The following RAB24 variants were observed in gnomAD, a reference collection of about 807,000 sequenced individuals.
RAB24 encodes the protein ras-related protein Rab-24.
A neutral mutation model predicts 31.4 loss-of-function variants in RAB24; 9 were observed. The observed-to-expected ratio is 0.29, with a 90% CI of 0.17 to 0.50. The LOEUF (loss-of-function observed/expected upper bound fraction) is 0.50. RAB24 is among the 20% of genes least tolerant of loss of function. The pLI is 0.98. For missense variants in RAB24, 197 were observed against 265.2 expected, an observed-to-expected ratio of 0.74 and a Z score of 1.79; for synonymous variants, 106 against 94.1, an observed-to-expected ratio of 1.13 and a Z score of -0.73.
rs767820813 is a variant in RAB24 at position 177,302,745 on chromosome 5, C to G, written c.265+7G>C. ...TGTGAGACAGCCCAAACCCCCCCCC[C>G]CCTTACCATAGCAGACGATGGCAGC... On this transcript the variant is annotated splice_region_variant and intron_variant, in intron 3 of 7. Coordinates refer to ENST00000303251, the MANE Select transcript of RAB24 (RefSeq NM_001031677.4). The G allele has an allele frequency of 6.3e-7, 1 of 1,599,580 alleles. No individual in the cohort carries two copies. Among genetic ancestry groups the G allele is most frequent in the Non-Finnish European group, 8.5e-7 (1 of 1,171,312 alleles).
Position 177,302,969 on chromosome 5 carries a change from A to G in RAB24, c.186+40T>C, listed in dbSNP as rs73347676. ...TAATAGGCAGGACCTACACCTCCTC[A>G]GGAATGAGTCTCCCAAGAATAGATG... On this transcript the variant is annotated intron_variant, in intron 2 of 7. Coordinates refer to ENST00000303251, the MANE Select transcript of RAB24 (RefSeq NM_001031677.4). The G allele has an allele frequency of 2.3e-3, 3,762 of 1,607,430 alleles. 93 individuals carry two copies. The African/African-American group carries it at 0.045, about 19-fold the overall frequency.
intron 6 of RAB24, 63 bp from the exon 7 acceptor site, chr5:177,302,050 C>A (rs1581581685): frequency 6.2e-7 from 1 of 1,610,112 alleles, no homozygotes; most frequent in Admixed American, 1.7e-5. Context: ...CTCCCAGTGA[C>A]CCAGCCCTCT....
intron 7 of RAB24, 32 bp downstream of exon 7, chr5:177,301,893 T>A: frequency 6.2e-7 from 1 of 1,613,072 alleles, no homozygotes; most frequent in South Asian, 1.1e-5. Flanking sequence ...GGGCCTAGAG[T>A]AAGTCTCCAT....
Position 177,302,188 on chromosome 5 carries a change from G to C in RAB24, c.434-10C>G. ...AGCTGAGCTTTGATATCTGTAAAGA[G>C]AAGTGACTAAAGCCTCATACCTGAG... On this transcript the variant is annotated splice_polypyrimidine_tract_variant and intron_variant, in intron 5 of 7. Coordinates refer to ENST00000303251, the MANE Select transcript of RAB24 (RefSeq NM_001031677.4). 4 of 1,614,072 alleles carry C rather than the reference G, an allele frequency of 2.5e-6. No homozygotes were observed. The highest frequency in any genetic ancestry group is 3.4e-6 in the Non-Finnish European group (4 of 1,179,888).
At position 177,302,070 on chromosome 5, in the gene RAB24, T is replaced by A. The variant is rs375634364; in HGVS notation, c.484+58A>T. 1.4e-5 allele frequency: 22 copies of A among 1,610,800 alleles called. No homozygotes were observed. The African/African-American group carries it at 2.9e-4, about 21-fold the overall frequency. On this transcript the variant is annotated intron_variant, in intron 6 of 7. Coordinates refer to ENST00000303251, the MANE Select transcript of RAB24 (RefSeq NM_001031677.4). ...AGTGACCCAGCCCTCTGTGCCCTAT[T>A]CAGCTTCCTCTGGTGCCCCTGCATG...
Position 177,303,483 on chromosome 5 carries a change from C to T in RAB24, c.-195G>A. 1.6e-6 allele frequency: 1 copy of T among 611,810 alleles called. No individual in the cohort carries two copies. Among genetic ancestry groups the T allele is most frequent in the South Asian group, 1.9e-5 (1 of 51,430 alleles). The allele number at this position is 611,810 out of a possible 1,614,324, so 37.9% of individuals were successfully genotyped here. On this transcript the variant is annotated 5_prime_UTR_variant, in exon 1 of 8. Coordinates refer to ENST00000303251, the MANE Select transcript of RAB24 (RefSeq NM_001031677.4). The surrounding 1 kb of genome is among the most constrained non-coding windows in gnomAD (Gnocchi z 6.1). ...TTCGGCAGCGCCCCGTGTGCCCCCG[C>T]TGTTCGGCCCCGGGCGCCGATTATC...
rs1211912809 is a variant in RAB24, at chr5:177,301,409, G to A, written c.*334C>T. On this transcript the variant is annotated 3_prime_UTR_variant, in exon 8 of 8. Coordinates refer to ENST00000303251, the MANE Select transcript of RAB24 (RefSeq NM_001031677.4). ...GCCGGGTGGCCCCAGGAAGAACTAG[G>A]TGTCTTGACACCTAATCCACACAGC... The A allele has an allele frequency of 6.6e-6, 2 of 304,008 alleles. No individual in the cohort carries two copies. The highest frequency in any genetic ancestry group is 1.2e-5 in the Non-Finnish European group (2 of 160,146). The allele number at this position is 304,008 out of a possible 1,614,324, so 18.8% of individuals were successfully genotyped here.
chr5:177,302,688 G>T (rs369512111), intron 3 of RAB24, 44 bp from the exon 4 acceptor site: 22 of 1,612,998 alleles, frequency 1.4e-5, no homozygotes, highest in Non-Finnish European at 1.9e-5. Context: ...GTCAAGGGCT[G>T]TTCTCTGGCT....
rs1437210601 is a variant in RAB24 at position 177,303,681 on chromosome 5, T to C, written c.-393A>G. The C allele has an allele frequency of 8.5e-6, 3 of 353,146 alleles. No individual in the cohort carries two copies. The highest frequency in any genetic ancestry group is 4.3e-5 in the African/African-American group (2 of 46,120). 21.9% of individuals were successfully genotyped at this position (353,146 alleles called of 1,614,324 possible). ...CTGGGGTCTCCCGCAACCCGGCTCC[T>C]ACCCGCAGCGCCGCGACTCCCGCGG... On this transcript the variant is annotated 5_prime_UTR_variant, in exon 1 of 8. Coordinates refer to ENST00000303251, the MANE Select transcript of RAB24 (RefSeq NM_001031677.4). This position sits in a 1 kb window ranked among gnomAD's most constrained non-coding sequence, Gnocchi z 6.1.
Position 177,302,432 on chromosome 5 carries a change from C to A in RAB24, c.398G>T (p.Arg133Leu). 6.2e-7 allele frequency: 1 copy of A among 1,613,636 alleles called. No individual in the cohort carries two copies. The highest frequency in any genetic ancestry group is 8.5e-7 in the Non-Finnish European group (1 of 1,180,032). The change falls in exon 5 of 8, where the codon CGT becomes CTT. Residue 133 changes from arginine (R) to leucine (L), a missense_variant. Around this residue, in one of 2 missense-constraint regions of RAB24, gnomAD observed 148 missense variants for 159.7 expected, o/e 0.93. Coordinates refer to ENST00000303251, the MANE Select transcript of RAB24 (RefSeq NM_001031677.4). ...GTCCTGGACGTCGTGGAAGTCCACACGTCGACGCCTCCGGTCTTCTTCCAG... is the reference window on the plus strand; with the variant it reads ...GTCCTGGACGTCGTGGAAGTCCACAAGTCGACGCCTCCGGTCTTCTTCCAG... Reference protein sequence around the residue: ...DLLEEDRRRRRVDFHDVQDYA... With the variant: ...DLLEEDRRRRLVDFHDVQDYA...
Position 177,302,231 on chromosome 5 carries a change from A to G in RAB24, c.434-53T>C, listed in dbSNP as rs1467684085. The G allele has an allele frequency of 3.1e-6, 5 of 1,602,536 alleles. No homozygotes were observed. In the East Asian group the frequency reaches 1.1e-4, roughly 36 times the overall value. ...TACCTGAGAATTAGATAAACAGACA[A>G]AAGGGAGGGCTAGCAGTTCAGGGAG... On this transcript the variant is annotated intron_variant, in intron 5 of 7. Transcript: ENST00000303251.
chr5:177,301,702 G>C lies in RAB24; in HGVS notation c.*41C>G. On this transcript the variant is annotated 3_prime_UTR_variant, in exon 8 of 8. Coordinates refer to ENST00000303251, the MANE Select transcript of RAB24 (RefSeq NM_001031677.4). ...GAAAGGAGCTGGGTCCAGCCCTTAC[G>C]GGGAATTCCTTTAATTCCCCCAGGC... 4 of 1,606,736 alleles carry C rather than the reference G, an allele frequency of 2.5e-6. No homozygotes were observed. The highest frequency in any genetic ancestry group is 2.6e-6 in the Non-Finnish European group (3 of 1,173,412).
At position 177,303,099 on chromosome 5, in the gene RAB24, C is replaced by A; in HGVS notation, c.118-22G>T. ...TGGTCTGCAACGAGAGGGAAGAGAT[C>A]GGGGCCATAGGTGCAGATTACCGGC... is the stretch of plus-strand genomic sequence containing the variant. On this transcript the variant is annotated intron_variant, in intron 1 of 7. Coordinates refer to ENST00000303251, the MANE Select transcript of RAB24 (RefSeq NM_001031677.4). The surrounding 1 kb of genome is among the most constrained non-coding windows in gnomAD (Gnocchi z 6.1). 4 of 1,613,960 alleles carry A rather than the reference C, an allele frequency of 2.5e-6. No individual in the cohort carries two copies. Among genetic ancestry groups the A allele is most frequent in the Non-Finnish European group, 3.4e-6 (4 of 1,180,006 alleles).
chr5:177,302,943 G>A (rs1214729017), intron 2 of RAB24, 66 bp downstream of exon 2: 1 of 1,593,946 alleles, frequency 6.3e-7, no homozygotes, highest in Non-Finnish European at 8.6e-7. Flanking sequence ...AAATCAACCA[G>A]TAATAGGCAG....
At chr5:177,301,831 T>A (rs1260601293) in intron 7 of RAB24, 24 bp from the exon 8 acceptor site, 1 of 1,614,018 alleles carries the variant, frequency 6.2e-7, no homozygotes. Flanking sequence ...AGGTGGCAGC[T>A]CAGCACCATT....
In RAB24 at chr5:177,303,617, C is replaced by G. The variant is rs1005115063; in HGVS notation, c.-329G>C. On this transcript the variant is annotated 5_prime_UTR_variant, in exon 1 of 8. Transcript: ENST00000303251. This position sits in a 1 kb window ranked among gnomAD's most constrained non-coding sequence, Gnocchi z 6.1. ...CTACTCCGTCATTCGCTCGCCTGCC[C>G]GGCTTAAGCTCCGTTCTGGCTGGGA... 2.3e-4 allele frequency: 104 copies of G among 448,390 alleles called. 1 individual carries two copies. The highest frequency in any genetic ancestry group is 3.2e-5 in the Non-Finnish European group (8 of 250,492). 27.8% of individuals were successfully genotyped at this position (448,390 alleles called of 1,614,324 possible). A position where few individuals can be genotyped will look rare whatever the true frequency, so the allele number is the denominator to read the frequency against.
Position 177,303,498 on chromosome 5 carries a change from C to A in RAB24, c.-210G>T, listed in dbSNP as rs945978985. 32 of 603,710 alleles carry A rather than the reference C, an allele frequency of 5.3e-5. No individual in the cohort carries two copies. The highest frequency in any genetic ancestry group is 6.7e-5 in the Non-Finnish European group (23 of 340,814). 37.4% of individuals were successfully genotyped at this position (603,710 alleles called of 1,614,324 possible). Reference sequence around the variant, plus strand: ...TGTGCCCCCGCTGTTCGGCCCCGGGCGCCGATTATCCTTCGAAGACCCCAA... The same window carrying A: ...TGTGCCCCCGCTGTTCGGCCCCGGGAGCCGATTATCCTTCGAAGACCCCAA... On this transcript the variant is annotated 5_prime_UTR_variant, in exon 1 of 8. Coordinates refer to ENST00000303251, the MANE Select transcript of RAB24 (RefSeq NM_001031677.4). The surrounding 1 kb of genome is among the most constrained non-coding windows in gnomAD (Gnocchi z 6.1).
rs375503480 is a variant in RAB24, at chr5:177,303,152, G to A, written c.117+20C>T. On this transcript the variant is annotated intron_variant, in intron 1 of 7. Transcript: ENST00000303251. This position sits in a 1 kb window ranked among gnomAD's most constrained non-coding sequence, Gnocchi z 6.1. The stretch of plus-strand genomic sequence containing the variant: ...CCCACTCCCCCGCCCACCGTGCCTG[G>A]CCCCTCCGGATGCACTCACGTTCTG... 2.7e-5 allele frequency: 43 copies of A among 1,613,248 alleles called. No individual in the cohort carries two copies. The highest frequency in any genetic ancestry group is 3.6e-5 in the Non-Finnish European group (42 of 1,179,762).
In RAB24 at chr5:177,301,239, T is replaced by C. The variant is rs1378167494; in HGVS notation, c.*504A>G. The C allele has an allele frequency of 1.8e-5, 3 of 168,220 alleles. No individual in the cohort carries two copies. Among genetic ancestry groups the C allele is most frequent in the Non-Finnish European group, 2.6e-5 (2 of 76,028 alleles). 10.4% of individuals were successfully genotyped at this position (168,220 alleles called of 1,614,324 possible). On this transcript the variant is annotated 3_prime_UTR_variant, in exon 8 of 8. Coordinates refer to ENST00000303251, the MANE Select transcript of RAB24 (RefSeq NM_001031677.4). ...GACCCTTTTATTTCGAAGCAACTCA[T>C]GCACTCTTTTCAGCACTCAGAAGGA...
Sources: allele counts gnomAD v4.1 joint callset, GRCh38; gene constraint gnomAD v4.1.1; regional missense constraint gnomAD v4.1.1; non-coding constraint Gnocchi (gnomAD v3.1); transcripts MANE v1.5; gene names NCBI Gene and HGNC (gene_info 2026-07-23, HGNC 2026-07-21).